Variants in PTCD2 observed in about 807,000 individuals in gnomAD.
The protein encoded by PTCD2 is pentatricopeptide repeat-containing protein 2, mitochondrial.
Under a neutral mutation model 42.6 loss-of-function variants are expected in PTCD2, and 31 were observed. That is an observed-to-expected ratio of 0.73 (90% confidence interval 0.55 to 0.98). The LOEUF (loss-of-function observed/expected upper bound fraction) is 0.98, where lower values mean the gene tolerates loss of function less well. PTCD2 is among the 50% of genes least tolerant of loss of function. PTCD2 has a pLI of 0.00. For missense variants in PTCD2, 476 were observed against 454.8 expected (o/e 1.05, Z -0.42); for synonymous variants, 183 against 170.9 (o/e 1.07, Z -0.55).
intron 3 of PTCD2, 106 bp from the exon 4 acceptor site, chr5:72,331,152 C>G: frequency 1.4e-6 from 1 of 732,892 alleles, no homozygotes. Flanking sequence ...GAGAGGACTT[C>G]GTTCTCTGTT....
chr5:72,360,711 A>G lies in PTCD2; in HGVS notation c.*2284A>G, dbSNP rs1478713439. ...GGGGTTTTTTTTTTTTTGAGACACA[A>G]TTTCACTCTGTCGCCCAGGCTGGAG... On this transcript the variant is annotated 3_prime_UTR_variant, in exon 10 of 10. Coordinates refer to ENST00000380639, the MANE Select transcript of PTCD2 (RefSeq NM_024754.5). 2.7e-5 allele frequency: 4 copies of G among 150,490 alleles called. No homozygotes were observed. The allele number at this position is 150,490 out of a possible 1,614,324, so 9.3% of individuals were successfully genotyped here. A position where few individuals can be genotyped will look rare whatever the true frequency, so the allele number is the denominator to read the frequency against.
At position 72,365,683 on chromosome 5, in the gene PTCD2, G is replaced by A. The variant is rs1341186604; in HGVS notation, c.*7256G>A. 2 of 152,194 alleles carry A rather than the reference G, an allele frequency of 1.3e-5. No individual in the cohort carries two copies. The highest frequency in any genetic ancestry group is 2.9e-5 in the Non-Finnish European group (2 of 68,040). The allele number at this position is 152,194 out of a possible 1,614,324, so 9.4% of individuals were successfully genotyped here. ...TGATGTCAGGTAGGGTGAGGAGTAT[G>A]TTCCGGTTATAGCTGGTAGCAAGAT... On this transcript the variant is annotated 3_prime_UTR_variant, in exon 10 of 10. Transcript: ENST00000380639.
rs771362584 is a variant in PTCD2, at chr5:72,342,960, A to G, written c.754-2A>G. ...AATATGATTTGTTTCTCTTCCTTCTAGAATGAGATGGCAAAAGCTGTGTCC... is the reference window on the plus strand; with the variant it reads ...AATATGATTTGTTTCTCTTCCTTCTGGAATGAGATGGCAAAAGCTGTGTCC... On this transcript the variant is annotated splice_acceptor_variant, in intron 7 of 9. Transcript: ENST00000380639. LOFTEE classifies it high-confidence loss of function. 2.0e-5 allele frequency: 32 copies of G among 1,578,896 alleles called. No homozygotes were observed. Among genetic ancestry groups the G allele is most frequent in the Admixed American group, 1.7e-4 (10 of 57,700 alleles).
intron 5 of PTCD2, 63 bp from the exon 6 acceptor site, chr5:72,335,731 A>G: frequency 9.6e-7 from 1 of 1,038,316 alleles, no homozygotes; most frequent in Non-Finnish European, 1.5e-6. Flanking sequence ...TGAACAGATG[A>G]GAGCTTTGGG....
chr5:72,340,186 A>G (rs950813006), intron 7 of PTCD2, among the ~76,000 whole-genome samples: 2 of 152,022 alleles, frequency 1.3e-5, no homozygotes. Context: ...TGACTTTAAA[A>G]CCATAGTTTT....
rs373098808 is a variant in PTCD2 at position 72,352,635 on chromosome 5, A to G, written c.829-6A>G. ...TTGGTTTTGCTTGTGTCTTCTTAAT[A>G]TTCAGATTATAATCCATATCCAGTC... On this transcript the variant is annotated splice_polypyrimidine_tract_variant and splice_region_variant and intron_variant, in intron 8 of 9. Coordinates refer to ENST00000380639, the MANE Select transcript of PTCD2 (RefSeq NM_024754.5). The G allele has an allele frequency of 8.6e-6, 12 of 1,401,226 alleles. No individual in the cohort carries two copies. Among genetic ancestry groups the G allele is most frequent in the Non-Finnish European group, 1.1e-5 (11 of 990,618 alleles). The allele number at this position is 1,401,226 out of a possible 1,614,324, so 86.8% of individuals were successfully genotyped here. A position where few individuals can be genotyped will look rare whatever the true frequency, so the allele number is the denominator to read the frequency against.
chr5:72,351,126 C>A (rs2112219352), intron 8 of PTCD2, among the ~76,000 whole-genome samples: 1 of 152,302 alleles, frequency 6.6e-6, no homozygotes, highest in African/African-American at 2.4e-5. Flanking sequence ...ATTTATACAT[C>A]AAATTATAAA....
Position 72,343,027 on chromosome 5 carries a change from T to C in PTCD2, c.819T>C (p.Ile273=), listed in dbSNP as rs1262020217. The change falls in exon 8 of 10, where the codon ATT becomes ATC. Residue 273 remains isoleucine (I), a synonymous_variant. Transcript: ENST00000380639. ...QIMNPESIAC[I]NLNIIIHIQS... Reference sequence around the variant, plus strand: ...TGAATCCAGAAAGCATAGCCTGCATTAATTTAAATGTAAGTGATTTCTTTA... The same window carrying C: ...TGAATCCAGAAAGCATAGCCTGCATCAATTTAAATGTAAGTGATTTCTTTA... 6.4e-7 allele frequency: 1 copy of C among 1,573,720 alleles called. No homozygotes were observed. The highest frequency in any genetic ancestry group is 8.7e-7 in the Non-Finnish European group (1 of 1,153,280).
intron 9 of PTCD2, among the ~76,000 whole-genome samples, chr5:72,357,851 T>C (rs1337333247): frequency 1.3e-5 from 2 of 152,090 alleles, no homozygotes; most frequent in Admixed American, 1.3e-4. Flanking sequence ...ACCATACTTT[T>C]TTTTTTTTTT....
intron 8 of PTCD2, among the ~76,000 whole-genome samples, chr5:72,345,782 A>G (rs1054059003): frequency 6.6e-6 from 1 of 152,244 alleles, no homozygotes; most frequent in Non-Finnish European, 1.5e-5. Flanking sequence ...AGTGCCTGGC[A>G]GGTAGTCTGT....
intron 9 of PTCD2, among the ~76,000 whole-genome samples, chr5:72,354,144 G>A (rs1359483799): frequency 2.6e-5 from 4 of 152,088 alleles, no homozygotes; most frequent in African/African-American, 7.2e-5. Flanking sequence ...GGTGGCTCAT[G>A]CCTATAATCC....
intron 6 of PTCD2, 26 bp from the exon 7 acceptor site, chr5:72,338,596 A>T: frequency 8.2e-7 from 1 of 1,218,572 alleles, no homozygotes; most frequent in Non-Finnish European, 1.2e-6. Context: ...TTATAACATT[A>T]ATCGAACAAT....
In PTCD2 at chr5:72,358,267, A is replaced by G. The variant is rs1336641859; in HGVS notation, c.1007A>G (p.Tyr336Cys). The G allele has an allele frequency of 8.7e-6, 14 of 1,614,002 alleles. No individual in the cohort carries two copies. Among genetic ancestry groups the G allele is most frequent in the South Asian group, 1.1e-5 (1 of 91,084 alleles). The change falls in exon 10 of 10, where the codon TAT becomes TGT. Residue 336 changes from tyrosine to cysteine, a missense_variant. By Grantham distance (194) the Tyr-to-Cys change is radical. Coordinates refer to ENST00000380639, the MANE Select transcript of PTCD2 (RefSeq NM_024754.5). ...CTTGTGGCCAAATTTGATGAGATCT[A>G]TGGGACACTGCACATCACTGGCCAG... ...PALVAKFDEI[Y>C]GTLHITGQVT...
chr5:72,351,858 T>C (rs1267957458), intron 8 of PTCD2, among the ~76,000 whole-genome samples: 2 of 152,170 alleles, frequency 1.3e-5, no homozygotes, highest in African/African-American at 2.4e-5. Context: ...ATGAGATTGA[T>C]TGTCATATCC....
chr5:72,336,473 A>G (rs1044997357), intron 6 of PTCD2, among the ~76,000 whole-genome samples: 3 of 152,222 alleles, frequency 2.0e-5, no homozygotes, highest in African/African-American at 7.2e-5. Context: ...CCTGGTATCC[A>G]GTAGTTCTTT....
rs970359862 is a variant in PTCD2, at chr5:72,360,021, G to A, written c.*1594G>A. On this transcript the variant is annotated 3_prime_UTR_variant, in exon 10 of 10. Coordinates refer to ENST00000380639, the MANE Select transcript of PTCD2 (RefSeq NM_024754.5). ...GCAAGCAGATAGTGGCTGGCACATA[G>A]TACATGCAATATGTTTGAAACTAGT... is the stretch of plus-strand genomic sequence containing the variant. The A allele has an allele frequency of 6.6e-6, 1 of 151,964 alleles. No homozygotes were observed. The highest frequency in any genetic ancestry group is 1.5e-5 in the Non-Finnish European group (1 of 68,018). 9.4% of individuals were successfully genotyped at this position (151,964 alleles called of 1,614,324 possible).
rs991038209 is a variant in PTCD2, at chr5:72,326,765, G to T, written c.350+24G>T. ...AGGTGAGGCATTTCCTTAGAATGTT[G>T]CCACCCTTATCCCTTCTTACTCTGT... On this transcript the variant is annotated intron_variant, in intron 3 of 9. Transcript: ENST00000380639. 6.8e-6 allele frequency: 11 copies of T among 1,611,396 alleles called. No individual in the cohort carries two copies. In the African/African-American group the frequency reaches 1.3e-4, roughly 20 times the overall value.
At chr5:72,356,604 C>G (rs1019491986) in intron 9 of PTCD2, among the ~76,000 whole-genome samples, 7 of 152,210 alleles carry the variant, frequency 4.6e-5, no homozygotes, top group Non-Finnish European at 8.8e-5. Flanking sequence ...TATACCACCA[C>G]AGGACTATTG....
chr5:72,320,629 C>T (rs1320077868), intron 1 of PTCD2, 120 bp downstream of exon 1: 2 of 1,410,298 alleles, frequency 1.4e-6, no homozygotes, highest in Admixed American at 2.0e-5. Context: ...GCCTGGAGCG[C>T]ACCCTCGCCC....
Sources: gnomAD v4.1 joint callset for allele counts (sites outside exome capture counted in the v4.1 genomes callset) on GRCh38, gnomAD v4.1.1 for gene constraint, MANE v1.5 for transcripts, NCBI Gene and HGNC (gene_info 2026-07-23, HGNC 2026-07-21) for gene names.